The following FGF13 variants were observed in gnomAD, a reference collection of about 807,000 sequenced individuals.
The protein encoded by FGF13 is fibroblast growth factor 13.
In FGF13, 2 loss-of-function variants were observed where a neutral mutation model predicts 19.5. The observed-to-expected ratio is 0.10, with a 90% confidence interval of 0.04 to 0.32. FGF13 has a LOEUF of 0.32. Ranked by LOEUF, FGF13 falls within the 10% of genes least tolerant of loss-of-function variation. The probability of loss-of-function intolerance (pLI) is 1.00; values close to 1 mark genes in which losing one functional copy is unlikely to be tolerated. For synonymous variants in FGF13, 72 were observed against 76.9 expected (o/e 0.94, Z 0.33); for missense variants, 113 against 192.7 (o/e 0.59, Z 2.45).
chrX:139,204,359 G>C, upstream of FGF13: 1 of 284,679 alleles, frequency 3.5e-6, no homozygotes, highest in Non-Finnish European at 6.1e-6. Flanking sequence ...GGCCGGCCGC[G>C]GGAGGAGCCG....
chrX:139,051,358 T>C (rs1197994473), intron 1 of FGF13, among the ~76,000 whole-genome samples: 1 of 111,938 alleles, frequency 8.9e-6, no homozygotes, highest in Non-Finnish European at 1.9e-5. Context: ...GATCAGGTTG[T>C]GTATCCTAAG....
chrX:139,136,777 T>C (rs899050310), intron 1 of FGF13, among the ~76,000 whole-genome samples: 1 of 111,829 alleles, frequency 8.9e-6, no homozygotes, highest in African/African-American at 3.3e-5. Flanking sequence ...AGAGAGTTGG[T>C]CATGTAGACA....
At chrX:139,121,259 T>TC (rs1268515988) in intron 1 of FGF13, among the ~76,000 whole-genome samples, 5 of 112,076 alleles carry the variant, frequency 4.5e-5, no homozygotes, top group South Asian at 3.8e-4. Flanking sequence ...GACCTGTATC[T>TC]CCACACCATT....
In FGF13 at chrX:138,776,875, TG is replaced by T. The variant is rs776465119; in HGVS notation, c.218-67948del. 3.6e-5 allele frequency among the ~76,000 whole-genome samples: 4 copies of T among 111,509 alleles called. No homozygotes were observed. In the South Asian group the frequency reaches 1.5e-3, roughly 43 times the overall value. ...TCTGGTCCAGACAAGATGGTGTAGATGTATTTCTCCCTGCTCCTCTGCCCAA... is the reference window on the plus strand; with the variant it reads ...TCTGGTCCAGACAAGATGGTGTAGATTATTTCTCCCTGCTCCTCTGCCCAA... On this transcript the variant is annotated intron_variant, in intron 3 of 6. Transcript: ENST00000436198.
intron 3 of FGF13, among the ~76,000 whole-genome samples, chrX:138,636,059 T>C (rs891650072): frequency 2.7e-5 from 3 of 112,270 alleles, no homozygotes; most frequent in African/African-American, 9.7e-5. Flanking sequence ...GTACTTAATT[T>C]TCATGGATTC....
intron 1 of FGF13, among the ~76,000 whole-genome samples, chrX:138,968,420 CCTCA>C (rs1174924140): frequency 8.9e-6 from 1 of 111,791 alleles, no homozygotes; most frequent in African/African-American, 3.3e-5. Context: ...TTTCTCCCTC[CCTCA>C]CTTTCTCCCT....
chrX:138,639,155 T>C (rs943830361), intron 3 of FGF13, among the ~76,000 whole-genome samples: 6 of 111,803 alleles, frequency 5.4e-5, no homozygotes, highest in Admixed American at 9.5e-5. Context: ...ACCAAAAGGA[T>C]ACAGTTTCAC....
intron 1 of FGF13, among the ~76,000 whole-genome samples, chrX:139,075,641 T>C: frequency 9.0e-6 from 1 of 111,449 alleles, no homozygotes; most frequent in East Asian, 2.8e-4. Flanking sequence ...TAAAAAGAAA[T>C]GGAGGAGAAA....
chrX:139,152,265 TA>T lies in FGF13; in HGVS notation c.-113+51150del, dbSNP rs1240071129. Among the ~76,000 whole-genome samples, 9 of 61,946 alleles carry T rather than the reference TA, an allele frequency of 1.5e-4. No individual in the cohort carries two copies. The South Asian group carries it at 3.8e-3, about 26-fold the overall frequency. The allele number at this position is 61,946 out of a possible 115,157, so 53.8% of individuals were successfully genotyped here. On this transcript the variant is annotated intron_variant, in intron 1 of 2. Transcript: ENST00000421460. The stretch of plus-strand genomic sequence containing the variant: ...ACATTAAATTCAGAGCGAACTGTCA[TA>T]AAAAAAAAACGGAGGAGGCCCCGGG...
chrX:138,890,196 T>C (rs1013540294), intron 1 of FGF13, among the ~76,000 whole-genome samples: 5 of 111,874 alleles, frequency 4.5e-5, no homozygotes, highest in African/African-American at 1.6e-4. Flanking sequence ...CCCAAAGTGC[T>C]AGGATTACAG....
intron 3 of FGF13, among the ~76,000 whole-genome samples, chrX:138,830,070 A>G (rs1386813449): frequency 8.9e-6 from 1 of 112,439 alleles, no homozygotes; most frequent in Non-Finnish European, 1.9e-5. Context: ...TACTTTAACA[A>G]CAGAAAACAA....
intron 3 of FGF13, among the ~76,000 whole-genome samples, chrX:138,835,620 G>T (rs1413987173): frequency 2.7e-5 from 3 of 111,903 alleles, no homozygotes. Flanking sequence ...TTGCCACTGT[G>T]TGTCTTTTAA....
chrX:138,689,867 T>A (rs901910261), intron 3 of FGF13, among the ~76,000 whole-genome samples: 1 of 112,132 alleles, frequency 8.9e-6, no homozygotes, highest in Non-Finnish European at 1.9e-5. Context: ...GTCTGTTGAG[T>A]GTATTTTCTT....
intron 1 of FGF13, among the ~76,000 whole-genome samples, chrX:139,115,480 A>G (rs2083633453): frequency 9.0e-6 from 1 of 111,579 alleles, no homozygotes; most frequent in African/African-American, 3.3e-5. Context: ...CCTGACTGGA[A>G]GGCCAGCAGG....
chrX:138,719,793 GACAA>G (rs1254204612), intron 1 of FGF13, among the ~76,000 whole-genome samples: 2 of 112,515 alleles, frequency 1.8e-5, no homozygotes, highest in African/African-American at 6.5e-5. Context: ...TTTCTCTTCT[GACAA>G]ACAGTTAAAA....
chrX:138,801,253 GA>G (rs1293384390), intron 3 of FGF13, among the ~76,000 whole-genome samples: 1 of 112,030 alleles, frequency 8.9e-6, no homozygotes, highest in Non-Finnish European at 1.9e-5. Flanking sequence ...GATGACCTTC[GA>G]ATGGGACTTT....
At chrX:138,717,006 G>T (rs752654556) in intron 1 of FGF13, among the ~76,000 whole-genome samples, 1 of 112,193 alleles carries the variant, frequency 8.9e-6, no homozygotes, top group South Asian at 3.7e-4. Flanking sequence ...GATTAATTCT[G>T]ATCCTTAAGA....
intron 1 of FGF13, among the ~76,000 whole-genome samples, chrX:139,131,382 GGTGTGTGTGT>G (rs10541863): frequency 0.031 from 2,831 of 91,409 alleles, 62 homozygotes; most frequent in African/African-American, 0.081. Flanking sequence ...AATATAGAGG[GGTGTGTGTGT>G]GTGTGTGTGT....
At chrX:138,830,402 T>C (rs1182746406) in intron 3 of FGF13, among the ~76,000 whole-genome samples, 1 of 111,864 alleles carries the variant, frequency 8.9e-6, no homozygotes, top group East Asian at 2.8e-4. Context: ...TACTGGAAAC[T>C]GGAGTAAAGA....
Sources: gnomAD v4.1 joint callset for allele counts (sites outside exome capture counted in the v4.1 genomes callset) on GRCh38, gnomAD v4.1.1 for gene constraint, MANE v1.5 for transcripts, NCBI Gene and HGNC (gene_info 2026-07-23, HGNC 2026-07-21) for gene names.